KCNH7: variants seen among roughly 807,000 people sequenced by gnomAD.
KCNH7 encodes the protein potassium voltage-gated channel subfamily H member 7.
A neutral mutation model predicts 120.8 loss-of-function variants in KCNH7; 49 were observed. The observed-to-expected ratio is 0.41, with a 90% CI of 0.32 to 0.51. The LOEUF is 0.51. Among genes scored for constraint, KCNH7 ranks in the 20% least tolerant of loss-of-function variants. The pLI is 0.38. For missense variants in KCNH7, 1,097 were observed against 1,446.6 expected (o/e 0.76, Z 3.92); for synonymous variants, 547 against 516.1 (o/e 1.06, Z -0.81).
intron 3 of KCNH7, 31 bp from the exon 4 acceptor site, chr2:162,518,189 A>T: frequency 6.7e-7 from 1 of 1,494,268 alleles, no homozygotes. Context: ...GAGCATTATT[A>T]TAAGGCAAAT....
At chr2:162,381,157 G>C (rs1379502710) in intron 13 of KCNH7, among the ~76,000 whole-genome samples, 2 of 151,962 alleles carry the variant, frequency 1.3e-5, no homozygotes, top group African/African-American at 4.8e-5. Context: ...TCTAAAACTG[G>C]TGTTCATTTT....
At chr2:162,499,316 T>A (rs1015029433) in intron 6 of KCNH7, among the ~76,000 whole-genome samples, 2 of 152,080 alleles carry the variant, frequency 1.3e-5, no homozygotes, top group African/African-American at 4.8e-5. Context: ...GACCTTACCT[T>A]TGTTCTCCGC....
intron 2 of KCNH7, among the ~76,000 whole-genome samples, chr2:162,717,689 A>G (rs972026188): frequency 1.3e-5 from 2 of 152,022 alleles, no homozygotes; most frequent in African/African-American, 2.4e-5. Context: ...CCCTGACTTT[A>G]TATTAGTCAC....
chr2:162,789,857 A>T (rs1683857986), intron 2 of KCNH7, among the ~76,000 whole-genome samples: 1 of 151,988 alleles, frequency 6.6e-6, no homozygotes, highest in Non-Finnish European at 1.5e-5. Flanking sequence ...CAGTTCTAAG[A>T]GGTAATTTTA....
intron 6 of KCNH7, among the ~76,000 whole-genome samples, chr2:162,490,050 T>A (rs1430089824): frequency 6.6e-6 from 1 of 152,220 alleles, no homozygotes; most frequent in African/African-American, 2.4e-5. Flanking sequence ...AACACGTTAA[T>A]CATACTCTAG....
At chr2:162,497,901 A>G (rs765489313) in intron 6 of KCNH7, among the ~76,000 whole-genome samples, 1 of 152,178 alleles carries the variant, frequency 6.6e-6, no homozygotes, top group Non-Finnish European at 1.5e-5. Context: ...ATATACTTAC[A>G]TGAATCCTAA....
chr2:162,527,568 G>A (rs1003143694), intron 3 of KCNH7, among the ~76,000 whole-genome samples: 3 of 151,948 alleles, frequency 2.0e-5, no homozygotes, highest in African/African-American at 7.2e-5. Flanking sequence ...CTAGAGTATT[G>A]AGTCCAAAGC....
At chr2:162,518,272 T>C in intron 3 of KCNH7, 114 bp from the exon 4 acceptor site, 1 of 759,678 alleles carries the variant, frequency 1.3e-6, no homozygotes, top group Non-Finnish European at 2.1e-6. Flanking sequence ...TTTGAATCAA[T>C]GGTTATAGTT....
intron 7 of KCNH7, among the ~76,000 whole-genome samples, chr2:162,444,438 C>T (rs1035203811): frequency 3.9e-5 from 6 of 152,160 alleles, no homozygotes; most frequent in African/African-American, 1.2e-4. Context: ...ACTTTAGCTT[C>T]CTAGGCAGAG....
rs59397474 is a variant in KCNH7 at position 162,792,762 on chromosome 2, GGT to G, written c.307+43773_307+43774del. Among the ~76,000 whole-genome samples, 956 of 124,960 alleles carry G rather than the reference GGT, an allele frequency of 7.7e-3. 17 individuals carry two copies. The highest frequency in any genetic ancestry group is 0.028 in the African/African-American group (898 of 32,218). The allele number at this position is 124,960 out of a possible 152,430, so 82.0% of individuals were successfully genotyped here. ...TCCTGGATTTGTTGATCTTTTGAAT[GGT>G]GTGTGTGTGTGTGTGTGTGTGTGTG... On this transcript the variant is annotated intron_variant, in intron 2 of 15. Coordinates refer to ENST00000332142, the MANE Select transcript of KCNH7 (RefSeq NM_033272.4).
intron 2 of KCNH7, among the ~76,000 whole-genome samples, chr2:162,739,773 T>C (rs1000007017): frequency 3.3e-5 from 5 of 152,144 alleles, no homozygotes; most frequent in African/African-American, 9.7e-5. Flanking sequence ...TATCTGATTC[T>C]ACTATGAGAA....
Position 162,396,788 on chromosome 2 carries a change from A to G in KCNH7, c.2565T>C (p.Phe855=). 1 of 1,611,788 alleles carries G rather than the reference A, an allele frequency of 6.2e-7. No individual in the cohort carries two copies. The highest frequency in any genetic ancestry group is 1.1e-5 in the South Asian group (1 of 91,032). Residue 855 remains phenylalanine, a synonymous_variant, in exon 11 of 16, where the codon TTT becomes TTC. Coordinates refer to ENST00000332142, the MANE Select transcript of KCNH7 (RefSeq NM_033272.4). ...LDMYPEFSDH[F]LTNLELTFNL... ...TGAAAGTCAACTCTAGGTTTGTTAGAAAGTGATCAGAAAACTCAGGATACA... is the reference window on the plus strand; with the variant it reads ...TGAAAGTCAACTCTAGGTTTGTTAGGAAGTGATCAGAAAACTCAGGATACA...
At chr2:162,427,104 G>C (rs749820486) in intron 8 of KCNH7, among the ~76,000 whole-genome samples, 2 of 151,794 alleles carry the variant, frequency 1.3e-5, no homozygotes, top group Non-Finnish European at 2.9e-5. Context: ...CTATACCACA[G>C]TTTGTTTATC....
intron 2 of KCNH7, among the ~76,000 whole-genome samples, chr2:162,724,868 CT>C (rs546452795): frequency 2.6e-5 from 4 of 152,160 alleles, no homozygotes; most frequent in Non-Finnish European, 5.9e-5. Flanking sequence ...ATTATAGCAA[CT>C]TACTGCATCA....
intron 2 of KCNH7, among the ~76,000 whole-genome samples, chr2:162,575,242 C>T (rs1340684195): frequency 6.6e-6 from 1 of 152,026 alleles, no homozygotes; most frequent in African/African-American, 2.4e-5. Flanking sequence ...TAGTTTGACC[C>T]TGACCTTGTA....
At chr2:162,469,359 G>T (rs1017913180) in intron 6 of KCNH7, among the ~76,000 whole-genome samples, 2 of 152,172 alleles carry the variant, frequency 1.3e-5, no homozygotes, top group Non-Finnish European at 2.9e-5. Flanking sequence ...TACCGCCAGA[G>T]ATGTCCTTGA....
chr2:162,479,583 A>C (rs1430888173), intron 6 of KCNH7, among the ~76,000 whole-genome samples: 1 of 152,084 alleles, frequency 6.6e-6, no homozygotes, highest in African/African-American at 2.4e-5. Context: ...CATACTCATA[A>C]GATGAAAAGG....
At chr2:162,495,980 C>A (rs1690484066) in intron 6 of KCNH7, among the ~76,000 whole-genome samples, 1 of 152,140 alleles carries the variant, frequency 6.6e-6, no homozygotes, top group Admixed American at 6.5e-5. Context: ...GCTGTCCTTA[C>A]TCCCTTGATT....
At chr2:162,392,025 C>A (rs1042118039) in intron 12 of KCNH7, among the ~76,000 whole-genome samples, 10 of 151,900 alleles carry the variant, frequency 6.6e-5, no homozygotes, top group African/African-American at 2.4e-4. Context: ...TAGTCCAATT[C>A]AAGAAATATT....
Sources: allele counts gnomAD v4.1 joint callset (sites outside exome capture counted in the v4.1 genomes callset), GRCh38; gene constraint gnomAD v4.1.1; transcripts MANE v1.5; gene names NCBI Gene and HGNC (gene_info 2026-07-23, HGNC 2026-07-21).